Variants in APC observed in about 807,000 individuals in gnomAD.
APC encodes the protein APC regulator of Wnt signaling pathway.
APC carries 72 observed loss-of-function variants against 247.0 expected under a neutral mutation model. That is an observed-to-expected ratio of 0.29 (90% CI 0.24 to 0.35). The LOEUF (loss-of-function observed/expected upper bound fraction) is 0.35, where lower values mean the gene tolerates loss of function less well. Among genes scored for constraint, APC ranks in the 10% least tolerant of loss-of-function variants. APC has a pLI of 1.00. For missense variants in APC, 3,400 were observed against 3,360.7 expected (o/e 1.01, Z -0.29); for synonymous variants, 1,254 against 1,162.5 (o/e 1.08, Z -1.60).
chr5:112,816,837 A>G (rs888363803), intron 9 of APC, among the ~76,000 whole-genome samples: 2 of 151,832 alleles, frequency 1.3e-5, no homozygotes, highest in African/African-American at 4.8e-5. Context: ...TTATTATTTT[A>G]AAGTCAGAGA....
chr5:112,840,359 C>G lies in APC; in HGVS notation c.4765C>G (p.Arg1589Gly), dbSNP rs72541813. Residue 1589 changes from arginine to glycine, a missense_variant, in exon 16 of 16, where the codon CGT becomes GGT. Transcript: ENST00000257430. This position sits in a 1 kb window ranked among gnomAD's most constrained non-coding sequence, Gnocchi z 4.1. ...TTCTGCCATGCCAACAAAGTCATCA[C>G]GTAAAGCAAAAAAGCCAGCCCAGAC... ...IISAMPTKSS[R>G]KAKKPAQTAS... is the part of the protein sequence containing the mutation. The G allele has an allele frequency of 8.4e-5, 135 of 1,614,028 alleles. No individual in the cohort carries two copies. The highest frequency in any genetic ancestry group is 1.1e-4 in the Non-Finnish European group (126 of 1,180,022).
intron 1 of APC, among the ~76,000 whole-genome samples, chr5:112,753,562 C>CA (rs1205047714): frequency 6.6e-6 from 1 of 152,084 alleles, no homozygotes; most frequent in Non-Finnish European, 1.5e-5. Context: ...ACACAAGACT[C>CA]AATTTTTTTC....
rs566922676 is a variant in APC, at chr5:112,816,813, A to G, written c.933+1220A>G. ...CATTTCAAAAGAAAAAAAAAAGAGG[A>G]AAATATAGTTACTTTATTATTTTAA... On this transcript the variant is annotated intron_variant, in intron 9 of 15. Transcript: ENST00000257430. Among the ~76,000 whole-genome samples, 8 of 151,826 alleles carry G rather than the reference A, an allele frequency of 5.3e-5. No homozygotes were observed. In the South Asian group the frequency reaches 1.7e-3, roughly 32 times the overall value.
intron 11 of APC, among the ~76,000 whole-genome samples, chr5:112,824,859 C>A (rs1447216785): frequency 6.6e-6 from 1 of 152,068 alleles, no homozygotes; most frequent in Non-Finnish European, 1.5e-5. Context: ...TGGTGGAATT[C>A]CTTGAAGCTC....
chr5:112,787,379 T>C (rs1293927260), intron 6 of APC, among the ~76,000 whole-genome samples: 1 of 152,214 alleles, frequency 6.6e-6, no homozygotes, highest in Non-Finnish European at 1.5e-5. Flanking sequence ...TGAATGAGTG[T>C]TTGCCAAATT....
chr5:112,812,186 C>G (rs1762053297), intron 8 of APC, among the ~76,000 whole-genome samples: 1 of 152,128 alleles, frequency 6.6e-6, no homozygotes, highest in Non-Finnish European at 1.5e-5. Context: ...CTAGCCAAGA[C>G]TAAAGGGGAA....
intron 12 of APC, 144 bp from the exon 13 acceptor site, chr5:112,827,785 C>A (rs1763852412): frequency 1.4e-6 from 1 of 693,474 alleles, no homozygotes; most frequent in African/African-American, 1.8e-5. Context: ...TTTAGGTAAT[C>A]TTATTCTAGA....
chr5:112,721,269 C>A (rs1304570339), intron 1 of APC, among the ~76,000 whole-genome samples: 1 of 151,982 alleles, frequency 6.6e-6, no homozygotes, highest in African/African-American at 2.4e-5. Flanking sequence ...CAAAAATTAG[C>A]CAGGCATGGT....
rs927829663 is a variant in APC at position 112,844,301 on chromosome 5, T to C, written c.*175T>C. The C allele has an allele frequency of 1.3e-5, 8 of 636,248 alleles. No individual in the cohort carries two copies. The highest frequency in any genetic ancestry group is 2.1e-5 in the Non-Finnish European group (8 of 380,256). 39.4% of individuals were successfully genotyped at this position (636,248 alleles called of 1,614,324 possible). ...ATAGTATACTTTGTCTTCACTGGTCTTATTTTGGGAGGCACTCTTGATGGT... is the reference window on the plus strand; with the variant it reads ...ATAGTATACTTTGTCTTCACTGGTCCTATTTTGGGAGGCACTCTTGATGGT... On this transcript the variant is annotated 3_prime_UTR_variant, in exon 16 of 16. Coordinates refer to ENST00000257430, the MANE Select transcript of APC (RefSeq NM_000038.6).
chr5:112,758,561 G>A (rs543483026), intron 2 of APC, among the ~76,000 whole-genome samples: 32 of 151,800 alleles, frequency 2.1e-4, no homozygotes, highest in South Asian at 8.4e-4. Context: ...TCCTGACCTC[G>A]TGATCCACCG....
chr5:112,788,783 G>C (rs145413012), intron 6 of APC, among the ~76,000 whole-genome samples: 1,678 of 152,264 alleles, frequency 0.011, 25 homozygotes, highest in Non-Finnish European at 0.013. Flanking sequence ...ACATTTAAGT[G>C]AAAAGTATCC....
intron 9 of APC, among the ~76,000 whole-genome samples, chr5:112,817,227 G>A (rs1388567355): frequency 1.3e-5 from 2 of 152,132 alleles, no homozygotes; most frequent in African/African-American, 2.4e-5. Flanking sequence ...ACTAAACGAT[G>A]TATTTTCGAT....
chr5:112,806,090 G>C (rs1182070883), intron 8 of APC, among the ~76,000 whole-genome samples: 1 of 152,114 alleles, frequency 6.6e-6, no homozygotes, highest in Non-Finnish European at 1.5e-5. Flanking sequence ...GTTCCATGTA[G>C]TGTTTGTTTC....
chr5:112,739,245 T>C (rs1349027307), intron 1 of APC, among the ~76,000 whole-genome samples: 1 of 152,196 alleles, frequency 6.6e-6, no homozygotes, highest in Admixed American at 6.5e-5. Flanking sequence ...AGCTTTTTTT[T>C]CCTTTACCTA....
chr5:112,821,827 A>G (rs2149791402), intron 10 of APC, 69 bp from the exon 11 acceptor site: 1 of 1,259,724 alleles, frequency 7.9e-7, no homozygotes, highest in Non-Finnish European at 1.2e-6. Flanking sequence ...GCATATTTTT[A>G]AAGTACAATA....
chr5:112,786,204 C>G (rs755647985), intron 6 of APC, among the ~76,000 whole-genome samples: 1 of 152,184 alleles, frequency 6.6e-6, no homozygotes, highest in Non-Finnish European at 1.5e-5. Flanking sequence ...ACCCTCCTTC[C>G]TCAGCCTCCC....
At chr5:112,814,363 G>C (rs1230287696) in intron 8 of APC, among the ~76,000 whole-genome samples, 4 of 152,014 alleles carry the variant, frequency 2.6e-5, no homozygotes, top group African/African-American at 9.7e-5. Flanking sequence ...AGTGAGCTCA[G>C]TTCCCCCAAT....
chr5:112,782,764 C>G (rs1292206236), intron 6 of APC, among the ~76,000 whole-genome samples: 1 of 151,888 alleles, frequency 6.6e-6, no homozygotes, highest in African/African-American at 2.4e-5. Context: ...GATAAAAGAC[C>G]AATAAGTTTA....
intron 4 of APC, among the ~76,000 whole-genome samples, chr5:112,768,848 G>A (rs146456191): frequency 3.0e-4 from 45 of 151,208 alleles, no homozygotes; most frequent in African/African-American, 7.4e-4. Flanking sequence ...GTACAGTAGC[G>A]TAGAACACAG....
Sources: allele counts gnomAD v4.1 joint callset (sites outside exome capture counted in the v4.1 genomes callset), GRCh38; gene constraint gnomAD v4.1.1; non-coding constraint Gnocchi (gnomAD v3.1); transcripts MANE v1.5; gene names NCBI Gene and HGNC (gene_info 2026-07-23, HGNC 2026-07-21).